Variants in MTREX observed in about 807,000 individuals in gnomAD.
MTREX encodes the protein exosome RNA helicase MTR4.
Under a neutral mutation model 135.4 loss-of-function variants are expected in MTREX, and 76 were observed. The observed-to-expected ratio is 0.56, with a 90% CI of 0.47 to 0.68. The LOEUF (loss-of-function observed/expected upper bound fraction) is 0.68. MTREX is among the 30% of genes least tolerant of loss of function. The pLI, the probability that MTREX is intolerant of heterozygous loss-of-function variation, is 0.00. For synonymous variants in MTREX, 404 were observed against 401.6 expected (o/e 1.01, Z -0.07); for missense variants, 920 against 1,262.1 (o/e 0.73, Z 4.11).
intron 7 of MTREX, among the ~76,000 whole-genome samples, chr5:55,343,062 T>TG (rs1050739498): frequency 6.6e-6 from 1 of 152,196 alleles, no homozygotes; most frequent in Non-Finnish European, 1.5e-5. Context: ...TTGAGGCTCT[T>TG]GTTAGGTTGT....
chr5:55,418,250 AAAAAG>A (rs1289070798), intron 25 of MTREX, among the ~76,000 whole-genome samples: 1 of 151,552 alleles, frequency 6.6e-6, no homozygotes, highest in Non-Finnish European at 1.5e-5. Context: ...AAAAAAAGAA[AAAAAG>A]AAAAGTAAAA....
intron 8 of MTREX, among the ~76,000 whole-genome samples, chr5:55,344,244 A>G (rs536575498): frequency 6.6e-6 from 1 of 152,304 alleles, no homozygotes; most frequent in African/African-American, 2.4e-5. Context: ...TTCCGTAATT[A>G]CAGCATTCCA....
At chr5:55,328,943 A>G in intron 5 of MTREX, 132 bp downstream of exon 5, 1 of 538,298 alleles carries the variant, frequency 1.9e-6, no homozygotes, top group Non-Finnish European at 3.3e-6. Context: ...TTCATGTCTT[A>G]TTGAACCTCT....
intron 1 of MTREX, among the ~76,000 whole-genome samples, chr5:55,314,581 A>G (rs1265741217): frequency 6.6e-6 from 1 of 152,198 alleles, no homozygotes; most frequent in Non-Finnish European, 1.5e-5. Flanking sequence ...GTGGCAAGGA[A>G]ATGGATTTTC....
At chr5:55,310,994 C>G (rs1402854220) in intron 1 of MTREX, among the ~76,000 whole-genome samples, 1 of 151,802 alleles carries the variant, frequency 6.6e-6, no homozygotes, top group Non-Finnish European at 1.5e-5. Context: ...GTTGCCCAGG[C>G]TGGTTTCAAA....
At chr5:55,402,992 G>A (rs1160579728) in intron 21 of MTREX, among the ~76,000 whole-genome samples, 5 of 151,716 alleles carry the variant, frequency 3.3e-5, no homozygotes. Context: ...AAGCCCAGAA[G>A]TTTGAGACCA....
chr5:55,326,834 G>T (rs774677962), intron 3 of MTREX, among the ~76,000 whole-genome samples: 16 of 152,238 alleles, frequency 1.1e-4, no homozygotes, highest in Admixed American at 2.0e-4. Flanking sequence ...TTCTCCTAAT[G>T]CTATCCCTCC....
chr5:55,327,877 T>G, intron 4 of MTREX, 99 bp downstream of exon 4: 1 of 849,738 alleles, frequency 1.2e-6, no homozygotes, highest in Non-Finnish European at 1.9e-6. Context: ...CCACAACATG[T>G]ATATGTATGT....
chr5:55,389,622 G>C (rs1235815584), intron 19 of MTREX, among the ~76,000 whole-genome samples: 3 of 152,154 alleles, frequency 2.0e-5, no homozygotes, highest in Non-Finnish European at 4.4e-5. Flanking sequence ...TATAAAGGAA[G>C]TAGTGAGATT....
Position 55,425,125 on chromosome 5 carries a change from A to C in MTREX, c.*353A>C. The C allele has an allele frequency of 3.3e-6, 5 of 1,502,122 alleles. No individual in the cohort carries two copies. Among genetic ancestry groups the C allele is most frequent in the Non-Finnish European group, 4.5e-6 (5 of 1,112,948 alleles). 93.0% of individuals were successfully genotyped at this position (1,502,122 alleles called of 1,614,324 possible). ...GTCTTTAAAGGCTTGTACACCAGGAAGAAAGATGCATCCTCTTGCCTTGTG... is the reference window on the plus strand; with the variant it reads ...GTCTTTAAAGGCTTGTACACCAGGACGAAAGATGCATCCTCTTGCCTTGTG... On this transcript the variant is annotated 3_prime_UTR_variant, in exon 27 of 27. Coordinates refer to ENST00000230640, the MANE Select transcript of MTREX (RefSeq NM_015360.5).
chr5:55,352,647 A>C (rs1393697220), intron 13 of MTREX, among the ~76,000 whole-genome samples: 2 of 152,182 alleles, frequency 1.3e-5, no homozygotes, highest in Non-Finnish European at 2.9e-5. Flanking sequence ...GATGAACTAA[A>C]ATATTTTTAC....
At chr5:55,312,998 GT>G (rs1379997082) in intron 1 of MTREX, among the ~76,000 whole-genome samples, 1 of 152,082 alleles carries the variant, frequency 6.6e-6, no homozygotes, top group Non-Finnish European at 1.5e-5. Flanking sequence ...TTGCTTTTAG[GT>G]TTTTACAGTA....
intron 21 of MTREX, 77 bp downstream of exon 21, chr5:55,400,498 C>T: frequency 9.6e-7 from 1 of 1,047,070 alleles, no homozygotes; most frequent in Non-Finnish European, 1.3e-6. Flanking sequence ...ATTTTCTTAT[C>T]CTGTTGGTTT....
In MTREX at chr5:55,366,617, C is replaced by T. The variant is rs547172475; in HGVS notation, c.1660-108C>T. The T allele has an allele frequency of 8.5e-4, 649 of 761,262 alleles. 3 individuals carry two copies. The highest frequency in any genetic ancestry group is 1.1e-3 in the Non-Finnish European group (591 of 516,300). The allele number at this position is 761,262 out of a possible 1,614,324, so 47.2% of individuals were successfully genotyped here. A position where few individuals can be genotyped will look rare whatever the true frequency, so the allele number is the denominator to read the frequency against. On this transcript the variant is annotated intron_variant, in intron 15 of 26. Transcript: ENST00000230640. ...ACTAAAGGGTAGAACTAATACATTT[C>T]TGTAGTATTTCTTAATGTAGACTGT... is the stretch of plus-strand genomic sequence containing the variant.
rs542804296 is a variant in MTREX, at chr5:55,327,607, T to C, written c.340-109T>C. ...GTCTGAGACAGCTAAAGTTCATCAC[T>C]CTAGTTCATCAGTTTTATTTTCCAA... On this transcript the variant is annotated intron_variant, in intron 3 of 26. Transcript: ENST00000230640. The C allele has an allele frequency of 1.2e-4, 96 of 817,138 alleles. No homozygotes were observed. The African/African-American group carries it at 1.5e-3, about 12-fold the overall frequency. The allele number at this position is 817,138 out of a possible 1,614,324, so 50.6% of individuals were successfully genotyped here.
chr5:55,404,962 C>G (rs1052809082), intron 21 of MTREX, among the ~76,000 whole-genome samples: 1 of 152,012 alleles, frequency 6.6e-6, no homozygotes, highest in Non-Finnish European at 1.5e-5. Flanking sequence ...CGCCCGCCAC[C>G]ATGCCCAGCT....
At chr5:55,422,687 C>A (rs1561215480) in intron 25 of MTREX, among the ~76,000 whole-genome samples, 191 bp from the exon 26 acceptor site, 1 of 152,172 alleles carries the variant, frequency 6.6e-6, no homozygotes. Context: ...GTGTCTCTAC[C>A]ATTAGTCAAA....
chr5:55,420,359 C>G (rs1255766963), intron 25 of MTREX, among the ~76,000 whole-genome samples: 2 of 152,108 alleles, frequency 1.3e-5, no homozygotes, highest in Non-Finnish European at 2.9e-5. Flanking sequence ...GTTCATCAAC[C>G]GGGTAAGGCT....
chr5:55,344,973 A>G (rs1026553491), intron 9 of MTREX, 121 bp from the exon 10 acceptor site: 7 of 654,474 alleles, frequency 1.1e-5, no homozygotes, highest in African/African-American at 9.2e-5. Flanking sequence ...TGTTTGGACT[A>G]TTTTAGTGGC....
Sources: gnomAD v4.1 joint callset for allele counts (sites outside exome capture counted in the v4.1 genomes callset) on GRCh38, gnomAD v4.1.1 for gene constraint, MANE v1.5 for transcripts, NCBI Gene and HGNC (gene_info 2026-07-23, HGNC 2026-07-21) for gene names.